The following GCSAM variants were observed in gnomAD, a reference collection of about 807,000 sequenced individuals.
The protein encoded by GCSAM is germinal center-associated signaling and motility protein.
GCSAM carries 8 observed loss-of-function variants against 17.6 expected under a neutral mutation model. The observed-to-expected ratio is 0.46, with a 90% CI of 0.27 to 0.82. The LOEUF (loss-of-function observed/expected upper bound fraction) is 0.82. GCSAM is among the 40% of genes least tolerant of loss of function. The probability of loss-of-function intolerance (pLI) is 0.15; values close to 1 mark genes in which losing one functional copy is unlikely to be tolerated. For synonymous variants in GCSAM, 68 were observed against 69.0 expected, an observed-to-expected ratio of 0.98 and a Z score of 0.07; for missense variants, 192 against 213.5, an observed-to-expected ratio of 0.90 and a Z score of 0.63.
At chr3:112,128,128 T>G in intron 2 of GCSAM, 67 bp from the exon 3 acceptor site, 1 of 1,445,278 alleles carries the variant, frequency 6.9e-7, no homozygotes, top group African/African-American at 1.4e-5. Context: ...GGTGACTCCT[T>G]TCCTTTTGCC....
intron 1 of GCSAM, 179 bp from the exon 2 acceptor site, chr3:112,130,692 C>T: frequency 1.6e-6 from 1 of 620,862 alleles, no homozygotes; most frequent in Admixed American, 2.4e-5. Context: ...TACCTTTGAT[C>T]TGACATGCTC....
intron 5 of GCSAM, among the ~76,000 whole-genome samples, chr3:112,124,956 G>T (rs1217644757): frequency 6.6e-6 from 1 of 152,198 alleles, no homozygotes; most frequent in East Asian, 1.9e-4. Context: ...AGCTACATGA[G>T]TTGATGTGTG....
At chr3:112,132,754 T>C in intron 1 of GCSAM, 1 of 700,126 alleles carries the variant, frequency 1.4e-6, no homozygotes, top group Non-Finnish European at 1.8e-6. Context: ...TTGTGGAGCA[T>C]GAGGAGCTCA....
intron 4 of GCSAM, 37 bp from the exon 5 acceptor site, chr3:112,125,291 A>G: frequency 6.8e-7 from 1 of 1,477,060 alleles, no homozygotes; most frequent in Non-Finnish European, 9.5e-7. Flanking sequence ...ATTTCAGGTT[A>G]TGGGGAGATT....
chr3:112,126,585 C>T (rs562471782), intron 4 of GCSAM, among the ~76,000 whole-genome samples: 247 of 152,286 alleles, frequency 1.6e-3, no homozygotes, highest in Non-Finnish European at 2.8e-3. Flanking sequence ...GCCCCCGCCT[C>T]CCCACTGTGT....
At chr3:112,126,827 A>G (rs547402368) in intron 4 of GCSAM, among the ~76,000 whole-genome samples, 160 bp downstream of exon 4, 1 of 152,224 alleles carries the variant, frequency 6.6e-6, no homozygotes, top group Non-Finnish European at 1.5e-5. Flanking sequence ...TGAGCTCACC[A>G]TCTACTGAGG....
intron 1 of GCSAM, chr3:112,132,494 G>C (rs2074480378): frequency 4.5e-6 from 1 of 223,650 alleles, no homozygotes; most frequent in Non-Finnish European, 7.5e-6. Flanking sequence ...CCTACTTTAT[G>C]TCAGGCACTA....
chr3:112,132,413 T>C (rs140606714), intron 1 of GCSAM, among the ~76,000 whole-genome samples: 1 of 152,316 alleles, frequency 6.6e-6, no homozygotes, highest in African/African-American at 2.4e-5. Flanking sequence ...ACTATTTTGG[T>C]GGCACGGCTT....
In GCSAM at chr3:112,122,947, CACT is replaced by C. The variant is rs2074227718; in HGVS notation, c.*505_*507del. 1 of 159,336 alleles carries C rather than the reference CACT, an allele frequency of 6.3e-6. No individual in the cohort carries two copies. The highest frequency in any genetic ancestry group is 1.4e-5 in the Non-Finnish European group (1 of 72,184). The allele number at this position is 159,336 out of a possible 1,614,324, so 9.9% of individuals were successfully genotyped here. A position where few individuals can be genotyped will look rare whatever the true frequency, so the allele number is the denominator to read the frequency against. ...CCATGGGGGCCAACAGGTCAAAGGA[CACT>C]ATGTAAAAGACATGACTTAGACACA... On this transcript the variant is annotated 3_prime_UTR_variant, in exon 6 of 6. Transcript: ENST00000308910.
At chr3:112,124,941 G>T (rs191422580) in intron 5 of GCSAM, among the ~76,000 whole-genome samples, 1 of 152,192 alleles carries the variant, frequency 6.6e-6, no homozygotes, top group Non-Finnish European at 1.5e-5. Flanking sequence ...AAGGGTTGTC[G>T]TTTTAGCTAC....
At position 112,121,945 on chromosome 3, in the gene GCSAM, G is replaced by A. The variant is rs545451543; in HGVS notation, c.*1510C>T. ...CAAGGGCCTGTCTAGTAAACATAATGTACCTACTGCTTTCTTAAACAAACC... is the reference window on the plus strand; with the variant it reads ...CAAGGGCCTGTCTAGTAAACATAATATACCTACTGCTTTCTTAAACAAACC... On this transcript the variant is annotated 3_prime_UTR_variant, in exon 6 of 6. Transcript: ENST00000308910. 1 of 152,294 alleles carries A rather than the reference G, an allele frequency of 6.6e-6. No homozygotes were observed. Among genetic ancestry groups the A allele is most frequent in the East Asian group, 1.9e-4 (1 of 5,186 alleles). The allele number at this position is 152,294 out of a possible 1,614,324, so 9.4% of individuals were successfully genotyped here.
chr3:112,132,888 T>C, intron 1 of GCSAM: 2 of 546,816 alleles, frequency 3.7e-6, no homozygotes, highest in South Asian at 2.8e-5. Flanking sequence ...CTGCTCACCA[T>C]GATTCTTGGG....
Position 112,123,099 on chromosome 3 carries a change from A to C in GCSAM, c.*356T>G, listed in dbSNP as rs1055456557. On this transcript the variant is annotated 3_prime_UTR_variant, in exon 6 of 6. Coordinates refer to ENST00000308910, the MANE Select transcript of GCSAM (RefSeq NM_152785.5). Reference sequence around the variant, plus strand: ...GTAAAGCTTCCTTGTGACTTTAGAGAATGATCATGGGAACACTTTATAAGA... The same window carrying C: ...GTAAAGCTTCCTTGTGACTTTAGAGCATGATCATGGGAACACTTTATAAGA... 1 of 251,388 alleles carries C rather than the reference A, an allele frequency of 4.0e-6. No individual in the cohort carries two copies. Among genetic ancestry groups the C allele is most frequent in the East Asian group, 1.0e-4 (1 of 10,014 alleles). The allele number at this position is 251,388 out of a possible 1,614,324, so 15.6% of individuals were successfully genotyped here. A position where few individuals can be genotyped will look rare whatever the true frequency, so the allele number is the denominator to read the frequency against.
At chr3:112,128,359 G>A (rs923118939) in intron 2 of GCSAM, 17 of 540,546 alleles carry the variant, frequency 3.1e-5, no homozygotes, top group Admixed American at 1.1e-4. Context: ...TGAAGAACAC[G>A]TAAGTGTTAT....
chr3:112,133,016 T>C (rs1004390127), intron 1 of GCSAM, 76 bp downstream of exon 1: 28 of 1,473,882 alleles, frequency 1.9e-5, no homozygotes, highest in Non-Finnish European at 2.4e-5. Context: ...AACTGTATAC[T>C]AGCTTTCTTT....
At chr3:112,131,164 A>T (rs959848026) in intron 1 of GCSAM, among the ~76,000 whole-genome samples, 2 of 152,172 alleles carry the variant, frequency 1.3e-5, no homozygotes, top group Non-Finnish European at 2.9e-5. Context: ...TAAGATAGAT[A>T]TTATCATTAT....
rs569418289 is a variant in GCSAM, at chr3:112,126,907, G to C, written c.190+80C>G. 45 of 966,192 alleles carry C rather than the reference G, an allele frequency of 4.7e-5. No individual in the cohort carries two copies. The African/African-American group carries it at 5.7e-4, about 12-fold the overall frequency. 59.9% of individuals were successfully genotyped at this position (966,192 alleles called of 1,614,324 possible). On this transcript the variant is annotated intron_variant, in intron 4 of 5. Transcript: ENST00000308910. ...ATTGTAATTGAAATATGCCTAAGGGGCTTTGGGAACATAGAGAAGAAGTAG... is the reference window on the plus strand; with the variant it reads ...ATTGTAATTGAAATATGCCTAAGGGCCTTTGGGAACATAGAGAAGAAGTAG...
chr3:112,123,129 C>A lies in GCSAM; in HGVS notation c.*326G>T. 1 of 313,674 alleles carries A rather than the reference C, an allele frequency of 3.2e-6. No homozygotes were observed. The highest frequency in any genetic ancestry group is 5.9e-6 in the Non-Finnish European group (1 of 168,202). The allele number at this position is 313,674 out of a possible 1,614,324, so 19.4% of individuals were successfully genotyped here. A position where few individuals can be genotyped will look rare whatever the true frequency, so the allele number is the denominator to read the frequency against. ...TCATGGGAACACTTTATAAGAAGAT[C>A]CCAGACAGAAGAGCAGAGCCCCTTG... On this transcript the variant is annotated 3_prime_UTR_variant, in exon 6 of 6. Transcript: ENST00000308910.
rs371987827 is a variant in GCSAM, at chr3:112,123,556, C to T, written c.436G>A (p.Asp146Asn). Residue 146 changes from aspartate to asparagine, a missense_variant, in exon 6 of 6, where the codon GAT becomes AAT. Asp to Asn is a conservative substitution (Grantham distance 23). Transcript: ENST00000308910. The part of the protein sequence containing the change: ...TDPRHARSPE[D>N]EYELLMPHRI... Reference sequence around the variant, plus strand: ...TGAGGCATGAGAAGTTCATATTCATCTTCTGGGGATCGGGCATGCCTGGGG... The same window carrying T: ...TGAGGCATGAGAAGTTCATATTCATTTTCTGGGGATCGGGCATGCCTGGGG... 1.2e-6 allele frequency: 2 copies of T among 1,614,068 alleles called. No individual in the cohort carries two copies. Among genetic ancestry groups the T allele is most frequent in the African/African-American group, 2.7e-5 (2 of 74,920 alleles).
Sources: gnomAD v4.1 joint callset for allele counts (sites outside exome capture counted in the v4.1 genomes callset) on GRCh38, gnomAD v4.1.1 for gene constraint, MANE v1.5 for transcripts, NCBI Gene and HGNC (gene_info 2026-07-23, HGNC 2026-07-21) for gene names.